The following CDH2 variants were observed in gnomAD, a reference collection of about 807,000 sequenced individuals.
CDH2 encodes the protein cadherin 2.
CDH2 carries 17 observed loss-of-function variants against 92.0 expected under a neutral mutation model. That is an observed-to-expected ratio of 0.18 (90% CI 0.13 to 0.28). The LOEUF (loss-of-function observed/expected upper bound fraction) is 0.28. CDH2 is among the 10% of genes least tolerant of loss of function. CDH2 has a pLI of 1.00. For missense variants in CDH2, 862 were observed against 1,133.1 expected, an observed-to-expected ratio of 0.76 and a Z score of 3.44; for synonymous variants, 419 against 415.9, an observed-to-expected ratio of 1.01 and a Z score of -0.09.
chr18:28,101,866 T>C (rs1303910239), intron 2 of CDH2, among the ~76,000 whole-genome samples: 1 of 152,156 alleles, frequency 6.6e-6, no homozygotes, highest in Non-Finnish European at 1.5e-5. Flanking sequence ...CACCCCACTT[T>C]GGTCACAGTG....
At position 28,095,792 on chromosome 18, in the gene CDH2, A is replaced by G. The variant is rs547205510; in HGVS notation, c.172+51881T>C. 3.7e-5 allele frequency among the ~76,000 whole-genome samples: 5 copies of G among 135,602 alleles called. No homozygotes were observed. The Admixed American group carries it at 4.0e-4, about 11-fold the overall frequency. 89.0% of individuals were successfully genotyped at this position (135,602 alleles called of 152,430 possible). On this transcript the variant is annotated intron_variant, in intron 2 of 15. Transcript: ENST00000269141. ...GTGACTGTACTCCAGCCTGGGCAAT[A>G]GGATGCAACTCCATCAAAAAAAAAA...
chr18:27,947,879 T>C (rs931587741), downstream of CDH2, among the ~76,000 whole-genome samples: 1 of 151,396 alleles, frequency 6.6e-6, no homozygotes, highest in African/African-American at 2.4e-5. Flanking sequence ...GTTGGGTTTA[T>C]ATTGAAGTTT....
chr18:28,002,812 T>A (rs2012806666), intron 7 of CDH2, among the ~76,000 whole-genome samples, 185 bp downstream of exon 7: 1 of 152,230 alleles, frequency 6.6e-6, no homozygotes. Context: ...TTATCCAGTA[T>A]ATATACATCA....
chr18:28,168,297 T>C (rs1346023340), intron 1 of CDH2, among the ~76,000 whole-genome samples: 1 of 152,154 alleles, frequency 6.6e-6, no homozygotes, highest in Non-Finnish European at 1.5e-5. Flanking sequence ...TACAGAATAT[T>C]CACCGGAACT....
chr18:28,118,245 G>A (rs2015528857), intron 2 of CDH2, among the ~76,000 whole-genome samples: 5 of 152,034 alleles, frequency 3.3e-5, no homozygotes, highest in Admixed American at 3.3e-4. Flanking sequence ...AGAAGAGTAA[G>A]AAGTGAGGGG....
At chr18:28,052,697 C>T (rs921419701) in intron 2 of CDH2, among the ~76,000 whole-genome samples, 47 of 152,140 alleles carry the variant, frequency 3.1e-4, no homozygotes, top group African/African-American at 8.2e-4. Flanking sequence ...TAGGCCATGA[C>T]GAAGTGGCCA....
chr18:28,040,155 C>T (rs1055237523), intron 2 of CDH2, among the ~76,000 whole-genome samples: 11 of 152,120 alleles, frequency 7.2e-5, no homozygotes, highest in Admixed American at 3.3e-4. Context: ...GGCCTCAGAG[C>T]GAATCCAAAC....
chr18:28,060,758 T>C (rs1472931961), intron 2 of CDH2, among the ~76,000 whole-genome samples: 1 of 152,202 alleles, frequency 6.6e-6, no homozygotes, highest in Non-Finnish European at 1.5e-5. Context: ...TCATCTCATA[T>C]ACTTCCTGCC....
intron 2 of CDH2, among the ~76,000 whole-genome samples, chr18:28,036,072 G>A (rs536673047): frequency 6.6e-6 from 1 of 152,080 alleles, no homozygotes; most frequent in Non-Finnish European, 1.5e-5. Flanking sequence ...ATGTTAATTT[G>A]CCTGCAGTTT....
chr18:28,157,322 A>C (rs2016235335), intron 1 of CDH2, among the ~76,000 whole-genome samples: 2 of 152,200 alleles, frequency 1.3e-5, no homozygotes, highest in Non-Finnish European at 2.9e-5. Context: ...CATTCAACTA[A>C]AGACACTCAA....
At chr18:27,957,598 C>A (rs2011284866) in intron 15 of CDH2, among the ~76,000 whole-genome samples, 1 of 152,034 alleles carries the variant, frequency 6.6e-6, no homozygotes, top group African/African-American at 2.4e-5. Flanking sequence ...ATTGTGACAT[C>A]CCTTTCTACA....
At chr18:28,041,698 C>T (rs954161185) in intron 2 of CDH2, among the ~76,000 whole-genome samples, 10 of 152,112 alleles carry the variant, frequency 6.6e-5, no homozygotes, top group African/African-American at 1.9e-4. Context: ...TATGGGCCTG[C>T]CTCAACATTG....
intron 2 of CDH2, among the ~76,000 whole-genome samples, chr18:28,058,105 G>A (rs2014330459): frequency 6.6e-6 from 1 of 152,212 alleles, no homozygotes; most frequent in African/African-American, 2.4e-5. Flanking sequence ...TCAATGGGAT[G>A]TAAATATGTT....
chr18:28,122,961 A>G (rs2015616788), intron 2 of CDH2, among the ~76,000 whole-genome samples: 1 of 152,138 alleles, frequency 6.6e-6, no homozygotes, highest in African/African-American at 2.4e-5. Flanking sequence ...CAATCTCGAG[A>G]CAATTTTAGA....
At chr18:27,990,630 A>G (rs1041093933) in intron 9 of CDH2, among the ~76,000 whole-genome samples, 1 of 152,166 alleles carries the variant, frequency 6.6e-6, no homozygotes, top group African/African-American at 2.4e-5. Flanking sequence ...GTACATCTAA[A>G]AACTTGATTA....
chr18:28,094,660 G>T (rs1054291614), intron 2 of CDH2, among the ~76,000 whole-genome samples: 40 of 151,912 alleles, frequency 2.6e-4, no homozygotes, highest in Admixed American at 2.4e-3. Flanking sequence ...CAGGTGTGGT[G>T]GCGGGCGCCT....
At chr18:28,076,990 T>C (rs766928419) in intron 2 of CDH2, among the ~76,000 whole-genome samples, 5 of 152,292 alleles carry the variant, frequency 3.3e-5, no homozygotes, top group African/African-American at 4.8e-5. Context: ...CCTTTATCAT[T>C]AGCATAATTA....
intron 2 of CDH2, among the ~76,000 whole-genome samples, chr18:28,117,889 T>C (rs766469572): frequency 2.0e-5 from 3 of 152,096 alleles, no homozygotes; most frequent in Non-Finnish European, 1.5e-5. Context: ...CTTTCTAGTA[T>C]GTTAGGCCAC....
chr18:27,953,491 G>A (rs899317495), intron 15 of CDH2, among the ~76,000 whole-genome samples: 3 of 151,988 alleles, frequency 2.0e-5, no homozygotes, highest in African/African-American at 4.8e-5. Flanking sequence ...GGCTTATATG[G>A]CCTCACCTAT....
Sources: allele counts gnomAD v4.1 joint callset (sites outside exome capture counted in the v4.1 genomes callset), GRCh38; gene constraint gnomAD v4.1.1; transcripts MANE v1.5; gene names NCBI Gene and HGNC (gene_info 2026-07-23, HGNC 2026-07-21).